NCALD: variants seen among roughly 807,000 people sequenced by gnomAD.
The protein encoded by NCALD is neurocalcin-delta.
Under a neutral mutation model 18.6 loss-of-function variants are expected in NCALD, and 10 were observed. The observed-to-expected ratio is 0.54, with a 90% CI of 0.33 to 0.91. NCALD has a LOEUF of 0.91. Ranked by LOEUF, NCALD falls within the 40% of genes least tolerant of loss-of-function variation. The pLI is 0.03. For synonymous variants in NCALD, 88 were observed against 87.4 expected (o/e 1.01, Z -0.04); for missense variants, 184 against 247.6 (o/e 0.74, Z 1.72).
At chr8:102,060,141 T>C (rs1014595579) in intron 1 of NCALD, among the ~76,000 whole-genome samples, 2 of 152,106 alleles carry the variant, frequency 1.3e-5, no homozygotes, top group African/African-American at 2.4e-5. Flanking sequence ...CCACCATGCC[T>C]GGCTAATTTT....
At chr8:101,878,273 T>C (rs1382734250) in intron 4 of NCALD, among the ~76,000 whole-genome samples, 1 of 152,248 alleles carries the variant, frequency 6.6e-6, no homozygotes, top group Non-Finnish European at 1.5e-5. Flanking sequence ...TCATGTAATT[T>C]ATTAAGAATC....
Position 101,751,515 on chromosome 8 carries a change from G to T in NCALD, c.-19-31867C>A, listed in dbSNP as rs146002207. 2.5e-3 allele frequency among the ~76,000 whole-genome samples: 377 copies of T among 152,128 alleles called. 2 individuals carry two copies. Among genetic ancestry groups the T allele is most frequent in the African/African-American group, 8.8e-3 (364 of 41,514 alleles). ...GTTAAAATGGTAAATTTTTTGTTATGTTTACTTCACCATGGAAGGAAGGAA... is the reference window on the plus strand; with the variant it reads ...GTTAAAATGGTAAATTTTTTGTTATTTTTACTTCACCATGGAAGGAAGGAA... On this transcript the variant is annotated intron_variant, in intron 1 of 3. Coordinates refer to ENST00000220931, the MANE Select transcript of NCALD (RefSeq NM_032041.3).
intron 2 of NCALD, among the ~76,000 whole-genome samples, chr8:101,988,667 C>T (rs1474193101): frequency 6.6e-6 from 1 of 152,056 alleles, no homozygotes; most frequent in Non-Finnish European, 1.5e-5. Context: ...ATGTGACTAT[C>T]CATGGTCTTC....
chr8:101,727,211 G>A (rs1563701375), intron 1 of NCALD, among the ~76,000 whole-genome samples: 1 of 152,156 alleles, frequency 6.6e-6, no homozygotes, highest in Non-Finnish European at 1.5e-5. Flanking sequence ...AAAGCACTGA[G>A]GCTCATCTGA....
At position 101,689,167 on chromosome 8, in the gene NCALD, C is replaced by T. The variant is rs1421603664; in HGVS notation, c.*142G>A. 12 of 766,252 alleles carry T rather than the reference C, an allele frequency of 1.6e-5. No individual in the cohort carries two copies. The highest frequency in any genetic ancestry group is 8.6e-5 in the African/African-American group (5 of 58,116). The allele number at this position is 766,252 out of a possible 1,614,324, so 47.5% of individuals were successfully genotyped here. A position where few individuals can be genotyped will look rare whatever the true frequency, so the allele number is the denominator to read the frequency against. Reference sequence around the variant, plus strand: ...CATCCACGACAAAAGAAGCTGAAGGCGTCACGGAGGAAGGCGCATCAGACC... The same window carrying T: ...CATCCACGACAAAAGAAGCTGAAGGTGTCACGGAGGAAGGCGCATCAGACC... On this transcript the variant is annotated 3_prime_UTR_variant, in exon 4 of 4. Coordinates refer to ENST00000220931, the MANE Select transcript of NCALD (RefSeq NM_032041.3). The surrounding 1 kb of genome is among the most constrained non-coding windows in gnomAD (Gnocchi z 4.4).
chr8:101,948,166 T>G (rs911051847), intron 2 of NCALD, among the ~76,000 whole-genome samples: 1 of 152,192 alleles, frequency 6.6e-6, no homozygotes, highest in Non-Finnish European at 1.5e-5. Flanking sequence ...AGGGAAACTG[T>G]TTGGGGAAGA....
chr8:101,706,890 C>G (rs1457903934), intron 2 of NCALD, among the ~76,000 whole-genome samples: 6 of 54,948 alleles, frequency 1.1e-4, no homozygotes, highest in Admixed American at 9.9e-4. Flanking sequence ...AGATAAATCC[C>G]CTGATAAGAA....
chr8:102,111,412 A>ATGTG (rs57126471), intron 1 of NCALD, among the ~76,000 whole-genome samples: 21,914 of 147,504 alleles, frequency 0.15, 1,699 homozygotes, highest in Middle Eastern at 0.19. Context: ...GTCTAAAGAG[A>ATGTG]TGTGTGTGTG....
At chr8:101,922,615 G>A (rs1376539032) in intron 2 of NCALD, among the ~76,000 whole-genome samples, 1 of 152,116 alleles carries the variant, frequency 6.6e-6, no homozygotes, top group Non-Finnish European at 1.5e-5. Context: ...TGCTGCCATG[G>A]CTTGAATTTT....
At chr8:101,724,102 A>C (rs140717573) in intron 1 of NCALD, among the ~76,000 whole-genome samples, 9 of 152,260 alleles carry the variant, frequency 5.9e-5, no homozygotes, top group African/African-American at 2.2e-4. Flanking sequence ...TAAACTACCA[A>C]CTAATCAAGT....
chr8:102,012,655 G>A (rs148593580), intron 2 of NCALD, among the ~76,000 whole-genome samples: 3 of 152,320 alleles, frequency 2.0e-5, no homozygotes, highest in Admixed American at 6.5e-5. Flanking sequence ...ATCTAATGAT[G>A]AATCATGCAG....
intron 2 of NCALD, among the ~76,000 whole-genome samples, chr8:101,991,502 T>C (rs1292004350): frequency 6.6e-6 from 1 of 152,172 alleles, no homozygotes; most frequent in African/African-American, 2.4e-5. Context: ...TTTTGAAGGA[T>C]TCAGAAGGTT....
At chr8:101,745,274 C>A (rs1327383050) in intron 1 of NCALD, among the ~76,000 whole-genome samples, 3 of 152,106 alleles carry the variant, frequency 2.0e-5, no homozygotes, top group African/African-American at 7.2e-5. Flanking sequence ...CACATAAACC[C>A]AGACGGGTGA....
Position 101,719,463 on chromosome 8 carries a change from A to G in NCALD, c.167T>C (p.Phe56Ser). 1 of 1,614,206 alleles carries G rather than the reference A, an allele frequency of 6.2e-7. No homozygotes were observed. The highest frequency in any genetic ancestry group is 8.5e-7 in the Non-Finnish European group (1 of 1,180,022). The change falls in exon 2 of 4, where the codon TTC becomes TCC. Residue 56 changes from phenylalanine to serine, a missense_variant. Transcript: ENST00000220931. The part of the protein sequence containing the change: ...EEFKKIYGNF[F>S]PYGDASKFAE... ...AAATTTGGAAGCATCCCCATAAGGG[A>G]AAAAGTTCCCATATATTTTCTTAAA... is the stretch of plus-strand genomic sequence containing the variant.
At position 102,116,123 on chromosome 8, in the gene NCALD, C is replaced by T. The variant is rs11778285; in HGVS notation, c.-210+8114G>A. Among the ~76,000 whole-genome samples, 103 of 78,056 alleles carry T rather than the reference C, an allele frequency of 1.3e-3. 2 individuals carry two copies. The South Asian group carries it at 0.043, about 33-fold the overall frequency. The allele number at this position is 78,056 out of a possible 152,430, so 51.2% of individuals were successfully genotyped here. Reference sequence around the variant, plus strand: ...GGGCCTGTCGTAGGGTGGGGGGAGGCGGGAGGGATAGCATTAGGAGATATA... The same window carrying T: ...GGGCCTGTCGTAGGGTGGGGGGAGGTGGGAGGGATAGCATTAGGAGATATA... On this transcript the variant is annotated intron_variant, in intron 1 of 6. Transcript: ENST00000311028.
At chr8:101,840,484 C>T (rs746786406) in intron 4 of NCALD, among the ~76,000 whole-genome samples, 5 of 152,070 alleles carry the variant, frequency 3.3e-5, no homozygotes, top group East Asian at 1.9e-4. Flanking sequence ...TGATACATTA[C>T]GTATATATAA....
At chr8:101,977,707 T>C (rs1252482423) in intron 2 of NCALD, among the ~76,000 whole-genome samples, 2 of 152,160 alleles carry the variant, frequency 1.3e-5, no homozygotes, top group African/African-American at 4.8e-5. Flanking sequence ...CTGCAATCCT[T>C]AGACAGCTCT....
chr8:101,923,669 T>C (rs1818243131), intron 2 of NCALD, among the ~76,000 whole-genome samples: 1 of 152,252 alleles, frequency 6.6e-6, no homozygotes. Flanking sequence ...TACAATACTT[T>C]ATATATTTTG....
intron 1 of NCALD, among the ~76,000 whole-genome samples, chr8:101,728,772 A>G (rs190271521): frequency 6.6e-6 from 1 of 152,320 alleles, no homozygotes; most frequent in East Asian, 1.9e-4. Flanking sequence ...GTGAGTCAAA[A>G]TTGCACCACT....
Sources: allele counts gnomAD v4.1 joint callset (sites outside exome capture counted in the v4.1 genomes callset), GRCh38; gene constraint gnomAD v4.1.1; non-coding constraint Gnocchi (gnomAD v3.1); transcripts MANE v1.5; gene names NCBI Gene and HGNC (gene_info 2026-07-23, HGNC 2026-07-21).